Variants in PLEKHH1 observed in about 807,000 individuals in gnomAD.
PLEKHH1 encodes the protein pleckstrin homology, MyTH4 and FERM domain containing H1.
PLEKHH1 carries 104 observed loss-of-function variants against 160.0 expected under a neutral mutation model. The ratio of observed to expected loss-of-function variants is 0.65; its 90% CI spans 0.55 to 0.76. PLEKHH1 has a LOEUF of 0.76. Among genes scored for constraint, PLEKHH1 ranks in the 30% least tolerant of loss-of-function variants. The pLI is 0.00. For missense variants in PLEKHH1, 1,427 were observed against 1,724.1 expected, an observed-to-expected ratio of 0.83 and a Z score of 3.05; for synonymous variants, 619 against 678.4, an observed-to-expected ratio of 0.91 and a Z score of 1.36.
chr14:67,558,334 C>T (rs948669633), intron 4 of PLEKHH1, among the ~76,000 whole-genome samples: 18 of 152,168 alleles, frequency 1.2e-4, no homozygotes, highest in African/African-American at 4.3e-4. Flanking sequence ...TGGTGCCTTC[C>T]AACCATAATG....
chr14:67,557,172 G>T, intron 3 of PLEKHH1, 97 bp from the exon 4 acceptor site: 1 of 970,428 alleles, frequency 1.0e-6, no homozygotes. Context: ...GGGAGTCACA[G>T]CCTGGGGCAT....
At position 67,574,507 on chromosome 14, in the gene PLEKHH1, T is replaced by A; in HGVS notation, c.2088+104T>A. The A allele has an allele frequency of 1.1e-6, 1 of 916,222 alleles. No individual in the cohort carries two copies. The highest frequency in any genetic ancestry group is 2.9e-5 in the East Asian group (1 of 34,040). The allele number at this position is 916,222 out of a possible 1,614,324, so 56.8% of individuals were successfully genotyped here. A position where few individuals can be genotyped will look rare whatever the true frequency, so the allele number is the denominator to read the frequency against. ...TGGGTTCCCCCTTATACGGGGCTCCTTTCTCTGGGAGCCTCCTCACAGTGA... is the reference window on the plus strand; with the variant it reads ...TGGGTTCCCCCTTATACGGGGCTCCATTCTCTGGGAGCCTCCTCACAGTGA... On this transcript the variant is annotated intron_variant, in intron 14 of 28. Coordinates refer to ENST00000329153, the MANE Select transcript of PLEKHH1 (RefSeq NM_020715.3). This position sits in a 1 kb window ranked among gnomAD's most constrained non-coding sequence, Gnocchi z 4.2.
chr14:67,585,681 G>C (rs1327871586), intron 27 of PLEKHH1, 27 bp downstream of exon 27: 1 of 1,440,976 alleles, frequency 6.9e-7, no homozygotes, highest in Admixed American at 2.0e-5. Flanking sequence ...GCTGCTCCCT[G>C]ACCCCTCCTC....
chr14:67,578,664 G>C lies in PLEKHH1; in HGVS notation c.2849+33G>C, dbSNP rs374712384. ...AACCTGGCCGTTTCCTCTGCCACTT[G>C]AGCACTGCCAACTGCCGCATGAATA... On this transcript the variant is annotated intron_variant, in intron 20 of 28. Transcript: ENST00000329153. The surrounding 1 kb of genome is among the most constrained non-coding windows in gnomAD (Gnocchi z 5.0). 82 of 1,332,764 alleles carry C rather than the reference G, an allele frequency of 6.2e-5. No individual in the cohort carries two copies. Among genetic ancestry groups the C allele is most frequent in the Non-Finnish European group, 8.3e-5 (78 of 942,840 alleles). The allele number at this position is 1,332,764 out of a possible 1,614,324, so 82.6% of individuals were successfully genotyped here. A position where few individuals can be genotyped will look rare whatever the true frequency, so the allele number is the denominator to read the frequency against.
Position 67,574,473 on chromosome 14 carries a change from CG to C in PLEKHH1, c.2088+71del. 7.8e-7 allele frequency: 1 copy of C among 1,290,306 alleles called. No homozygotes were observed. The highest frequency in any genetic ancestry group is 1.0e-6 in the Non-Finnish European group (1 of 978,316). The allele number at this position is 1,290,306 out of a possible 1,614,324, so 79.9% of individuals were successfully genotyped here. ...ATCAGGGGAGCCAGGATTGGGGTGC[CG>C]AGGGTGGTGGGTTCCCCCTTATACG... On this transcript the variant is annotated intron_variant, in intron 14 of 28. Coordinates refer to ENST00000329153, the MANE Select transcript of PLEKHH1 (RefSeq NM_020715.3). The surrounding 1 kb of genome is among the most constrained non-coding windows in gnomAD (Gnocchi z 4.2).
chr14:67,581,072 C>T, intron 23 of PLEKHH1, 34 bp downstream of exon 23: 6 of 1,353,268 alleles, frequency 4.4e-6, no homozygotes, highest in Non-Finnish European at 5.3e-6. Context: ...GGGCCAAACA[C>T]AAGGGCTGCC....
At chr14:67,537,382 A>ATAATAATAATAAT (rs1566718823) in intron 1 of PLEKHH1, among the ~76,000 whole-genome samples, 32 of 93,448 alleles carry the variant, frequency 3.4e-4, no homozygotes, top group Admixed American at 2.3e-3. Flanking sequence ...ATAATAATAA[A>ATAATAATAATAAT]AACTTAATCT....
chr14:67,545,239 A>C (rs1289728930), intron 2 of PLEKHH1, among the ~76,000 whole-genome samples: 1 of 151,930 alleles, frequency 6.6e-6, no homozygotes, highest in Non-Finnish European at 1.5e-5. Flanking sequence ...CTGATATGCC[A>C]CTGGCCAGAT....
At chr14:67,555,680 A>T in intron 2 of PLEKHH1, 145 bp from the exon 3 acceptor site, 1 of 1,179,946 alleles carries the variant, frequency 8.5e-7, no homozygotes, top group Non-Finnish European at 1.2e-6. Context: ...GAAAATCCTT[A>T]CCCTGACACT....
chr14:67,570,021 C>T lies in PLEKHH1; in HGVS notation c.1434+9C>T. On this transcript the variant is annotated intron_variant, in intron 9 of 28. Transcript: ENST00000329153. ...ACACAGCACTGAAGGGGGTAAGAAA[C>T]TGCTGCACAAAGAGGGGGTGTCTCA... is the stretch of plus-strand genomic sequence containing the variant. The T allele has an allele frequency of 6.5e-7, 1 of 1,545,596 alleles. No homozygotes were observed. Among genetic ancestry groups the T allele is most frequent in the Non-Finnish European group, 8.9e-7 (1 of 1,124,792 alleles).
rs1349444282 is a variant in PLEKHH1, at chr14:67,585,936, G to A, written c.3787-15G>A. ...GTGGAAAGTTTCCCCACAACTGACT[G>A]GTTCCTTTCCACAGCAAGTGCACAT... On this transcript the variant is annotated splice_polypyrimidine_tract_variant and intron_variant, in intron 27 of 28. Coordinates refer to ENST00000329153, the MANE Select transcript of PLEKHH1 (RefSeq NM_020715.3). The A allele has an allele frequency of 6.2e-7, 1 of 1,606,530 alleles. No individual in the cohort carries two copies. The highest frequency in any genetic ancestry group is 1.7e-5 in the Admixed American group (1 of 59,310).
intron 2 of PLEKHH1, among the ~76,000 whole-genome samples, chr14:67,545,262 G>T (rs1284442245): frequency 2.6e-5 from 4 of 152,114 alleles, no homozygotes; most frequent in Non-Finnish European, 4.4e-5. Flanking sequence ...TATTCACATG[G>T]TTATACCCAG....
Position 67,562,148 on chromosome 14 carries a change from G to T in PLEKHH1, c.517G>T (p.Ala173Ser). The T allele has an allele frequency of 6.2e-7, 1 of 1,611,394 alleles. No homozygotes were observed. The highest frequency in any genetic ancestry group is 8.5e-7 in the Non-Finnish European group (1 of 1,178,248). Residue 173 changes from alanine to serine, a missense_variant, in exon 7 of 29, where the codon GCT (alanine) becomes TCT (serine). This residue lies in a region of PLEKHH1 where 831 missense variants were observed against 929.2 expected (regional missense o/e 0.89). Coordinates refer to ENST00000329153, the MANE Select transcript of PLEKHH1 (RefSeq NM_020715.3). ...LQDALEAIQIAPSRKLLVPPY... is the reference protein window; with the variant it reads ...LQDALEAIQISPSRKLLVPPY... ...TACCCGAATCACAGCTATTCAGATAGCTCCTTCACGGAAGCTGCTGGTGCC... is the reference window on the plus strand; with the variant it reads ...TACCCGAATCACAGCTATTCAGATATCTCCTTCACGGAAGCTGCTGGTGCC...
At chr14:67,583,628 C>G (rs1329591055) in intron 24 of PLEKHH1, 113 bp from the exon 25 acceptor site, 1 of 722,744 alleles carries the variant, frequency 1.4e-6, no homozygotes, top group East Asian at 2.8e-5. Flanking sequence ...CACAACCACT[C>G]GCACCCCACC....
rs1225933831 is a variant in PLEKHH1 at position 67,587,486 on chromosome 14, T to C, written c.*251T>C. On this transcript the variant is annotated 3_prime_UTR_variant, in exon 29 of 29. Coordinates refer to ENST00000329153, the MANE Select transcript of PLEKHH1 (RefSeq NM_020715.3). ...TTTTCATAAGAATAATGACTCCAGA[T>C]GCTACCTGATTCTAGACATAGACAG... The C allele has an allele frequency of 1.9e-6, 1 of 516,424 alleles. No individual in the cohort carries two copies. Among genetic ancestry groups the C allele is most frequent in the East Asian group, 3.6e-5 (1 of 28,034 alleles). 32.0% of individuals were successfully genotyped at this position (516,424 alleles called of 1,614,324 possible).
chr14:67,538,958 T>C (rs1372541560), intron 1 of PLEKHH1, among the ~76,000 whole-genome samples: 1 of 152,222 alleles, frequency 6.6e-6, no homozygotes, highest in Non-Finnish European at 1.5e-5. Flanking sequence ...ACTCTCCCAA[T>C]AGAATCTGAG....
rs1167643829 is a variant in PLEKHH1, at chr14:67,538,385, A to G, written c.-34-3449A>G. ...TTTTCTCATCTGTTCATTGTGACTAATTGTGTTCGTCCTCCATCTCAGGGA... is the reference window on the plus strand; with the variant it reads ...TTTTCTCATCTGTTCATTGTGACTAGTTGTGTTCGTCCTCCATCTCAGGGA... On this transcript the variant is annotated intron_variant, in intron 1 of 28. Transcript: ENST00000329153. Among the ~76,000 whole-genome samples, 3 of 152,200 alleles carry G rather than the reference A, an allele frequency of 2.0e-5. No homozygotes were observed. The East Asian group carries it at 5.8e-4, about 29-fold the overall frequency.
chr14:67,548,750 TA>T (rs1224232513), intron 2 of PLEKHH1, among the ~76,000 whole-genome samples: 3 of 152,204 alleles, frequency 2.0e-5, no homozygotes, highest in Non-Finnish European at 2.9e-5. Context: ...TTTTGTAGCT[TA>T]AAAACTTCTA....
chr14:67,543,491 G>A (rs1196667573), intron 2 of PLEKHH1, among the ~76,000 whole-genome samples: 3 of 152,230 alleles, frequency 2.0e-5, no homozygotes, highest in Admixed American at 1.3e-4. Context: ...GGTCAGAACC[G>A]TTTGGCCAGA....
Sources: gnomAD v4.1 joint callset for allele counts (sites outside exome capture counted in the v4.1 genomes callset) on GRCh38, gnomAD v4.1.1 for gene constraint, gnomAD v4.1.1 regional missense constraint, Gnocchi (gnomAD v3.1) non-coding constraint, MANE v1.5 for transcripts, NCBI Gene and HGNC (gene_info 2026-07-23, HGNC 2026-07-21) for gene names.